The following PRAMEF14 variants were observed in gnomAD, a reference collection of about 807,000 sequenced individuals.
PRAMEF14 encodes PRAME family member 14.
PRAMEF14 carries 24 observed loss-of-function variants against 38.3 expected under a neutral mutation model. The ratio of observed to expected loss-of-function variants is 0.63; its 90% CI spans 0.45 to 0.88. The LOEUF is 0.88. Among genes scored for constraint, PRAMEF14 ranks in the 40% least tolerant of loss-of-function variants. PRAMEF14 has a pLI of 0.00. For missense variants in PRAMEF14, 477 were observed against 570.8 expected (o/e 0.84, Z 1.67); for synonymous variants, 194 against 226.4 (o/e 0.86, Z 1.29).
At position 13,342,871 on chromosome 1, in the gene PRAMEF14, A is replaced by G. The variant is rs772988684; in HGVS notation, c.1082T>C (p.Ile361Thr). Reference sequence around the variant, plus strand: ...GATGGCACTGAGTTGGGAGTAGTGGATCTGACAGCCCTCCAAGATGAGGGT... The same window carrying G: ...GATGGCACTGAGTTGGGAGTAGTGGGTCTGACAGCCCTCCAAGATGAGGGT... ...LETLILEGCQ[I>T]HYSQLSAILP... Residue 361 changes from isoleucine (I) to threonine (T), a missense_variant, in exon 4 of 4, where the codon ATC becomes ACC. Ile to Thr is a moderately conservative substitution (Grantham distance 89). Transcript: ENST00000334600. The G allele has an allele frequency of 6.2e-7, 1 of 1,609,060 alleles. No individual in the cohort carries two copies. Among genetic ancestry groups the G allele is most frequent in the African/African-American group, 1.3e-5 (1 of 74,652 alleles).
chr1:13,346,372 G>A (rs1329913008), intron 1 of PRAMEF14, among the ~76,000 whole-genome samples: 75 of 150,436 alleles, frequency 5.0e-4, no homozygotes, highest in Middle Eastern at 6.8e-3. Flanking sequence ...GCTGGGCATG[G>A]TGGTGAGTGC....
At position 13,342,385 on chromosome 1, in the gene PRAMEF14, G is replaced by C; in HGVS notation, c.*143C>G. 1 of 1,327,992 alleles carries C rather than the reference G, an allele frequency of 7.5e-7. No individual in the cohort carries two copies. Among genetic ancestry groups the C allele is most frequent in the East Asian group, 2.7e-5 (1 of 36,386 alleles). 82.3% of individuals were successfully genotyped at this position (1,327,992 alleles called of 1,614,324 possible). On this transcript the variant is annotated 3_prime_UTR_variant, in exon 4 of 4. Coordinates refer to ENST00000334600, the MANE Select transcript of PRAMEF14 (RefSeq NM_001024661.2). ...ACACAGAGAAACCCTGTCTCAAATT[G>C]TCTTTAATAAAAATTTTGGAATTAT...
Position 13,342,524 on chromosome 1 carries a change from T to A in PRAMEF14, c.*4A>T. On this transcript the variant is annotated 3_prime_UTR_variant, in exon 4 of 4. Coordinates refer to ENST00000334600, the MANE Select transcript of PRAMEF14 (RefSeq NM_001024661.2). ...ATTTCTCTACCCCGCTAGGCACGCC[T>A]TCCCTAGCAGCAAAGATGGAGCTCC... is the stretch of plus-strand genomic sequence containing the variant. 1.2e-6 allele frequency: 2 copies of A among 1,604,952 alleles called. No homozygotes were observed. Among genetic ancestry groups the A allele is most frequent in the South Asian group, 2.2e-5 (2 of 90,544 alleles).
intron 3 of PRAMEF14, 165 bp downstream of exon 3, chr1:13,343,873 A>C: frequency 6.6e-7 from 1 of 1,505,434 alleles, no homozygotes; most frequent in Non-Finnish European, 9.0e-7. Context: ...TGTGATAGCC[A>C]CTCCAGGACA....
chr1:13,344,521 G>A lies in PRAMEF14; in HGVS notation c.383C>T (p.Thr128Ile), dbSNP rs1640376437. Residue 128 changes from threonine to isoleucine, a missense_variant, in exon 3 of 4, where the codon ACC becomes ATC. Physicochemically the swap from Thr to Ile is moderately conservative, Grantham distance 89. Around this residue, in one of 4 missense-constraint regions of PRAMEF14, gnomAD observed 234 missense variants for 247.4 expected, o/e 0.95. Transcript: ENST00000334600. The stretch of plus-strand genomic sequence containing the variant: ...CTCTGCTGTCTGCCTCTTACTCATG[G>A]TCTCTGGGAAGCAGGACAGGGCCCA... The part of the protein sequence containing the change: ...GAWALSCFPE[T>I]MSKRQTAEDC... The A allele has an allele frequency of 6.2e-7, 1 of 1,607,178 alleles. No individual in the cohort carries two copies. The highest frequency in any genetic ancestry group is 8.5e-7 in the Non-Finnish European group (1 of 1,178,884).
At chr1:13,346,671 G>A (rs1336238288) in intron 1 of PRAMEF14, among the ~76,000 whole-genome samples, 1 of 148,452 alleles carries the variant, frequency 6.7e-6, no homozygotes, top group South Asian at 2.2e-4. Context: ...CTTGAGATTG[G>A]TGTGTGGGAT....
chr1:13,342,484 G>C lies in PRAMEF14; in HGVS notation c.*44C>G. 18 of 1,603,134 alleles carry C rather than the reference G, an allele frequency of 1.1e-5. 1 individual carries two copies. Among genetic ancestry groups the C allele is most frequent in the Non-Finnish European group, 1.5e-5 (18 of 1,175,456 alleles). ...AGTAGATTTTAGTGTCCCAGTGCCT[G>C]GAAGAGAACTTTGGATTTCTCTACC... On this transcript the variant is annotated 3_prime_UTR_variant, in exon 4 of 4. Coordinates refer to ENST00000334600, the MANE Select transcript of PRAMEF14 (RefSeq NM_001024661.2).
In PRAMEF14 at chr1:13,342,312, G is replaced by A. The variant is rs1279712250; in HGVS notation, c.*216C>T. 1.7e-5 allele frequency: 15 copies of A among 872,900 alleles called. No homozygotes were observed. The highest frequency in any genetic ancestry group is 1.2e-4 in the Admixed American group (4 of 32,996). 54.1% of individuals were successfully genotyped at this position (872,900 alleles called of 1,614,324 possible). The stretch of plus-strand genomic sequence containing the variant: ...TAATCCCAGCACTTTAGGAAGCTGA[G>A]GCAGGAGGATCCCATAAGCCCAGCT... On this transcript the variant is annotated 3_prime_UTR_variant, in exon 4 of 4. Coordinates refer to ENST00000334600, the MANE Select transcript of PRAMEF14 (RefSeq NM_001024661.2).
In PRAMEF14 at chr1:13,344,538, C is replaced by T; in HGVS notation, c.366G>A (p.Leu122=). The change falls in exon 3 of 4, where the codon CTG becomes CTA. Residue 122 remains leucine (L), a synonymous_variant. Coordinates refer to ENST00000334600, the MANE Select transcript of PRAMEF14 (RefSeq NM_001024661.2). The part of the protein sequence containing the change: ...FWARWPGAWA[L]SCFPETMSKR... ...TACTCATGGTCTCTGGGAAGCAGGA[C>T]AGGGCCCAGGCTCCAGGCCATCTGG... is the stretch of plus-strand genomic sequence containing the variant. 1.9e-6 allele frequency: 3 copies of T among 1,606,652 alleles called. No homozygotes were observed. Among genetic ancestry groups the T allele is most frequent in the East Asian group, 4.7e-5 (2 of 42,412 alleles).
chr1:13,344,477 C>T lies in PRAMEF14; in HGVS notation c.427G>A (p.Glu143Lys). The T allele has an allele frequency of 6.2e-7, 1 of 1,607,304 alleles. No individual in the cohort carries two copies. The highest frequency in any genetic ancestry group is 8.5e-7 in the Non-Finnish European group (1 of 1,178,908). Residue 143 changes from glutamate (E) to lysine (K), a missense_variant, in exon 3 of 4, where the codon GAG becomes AAG. Physicochemically the swap from Glu to Lys is moderately conservative, Grantham distance 56. Coordinates refer to ENST00000334600, the MANE Select transcript of PRAMEF14 (RefSeq NM_001024661.2). ...ATGAACACCTTTAAGGGCTGGTGCT[C>T]TCCCATCCTTGGACAGTCCTCTGCT... Reference protein sequence around the residue: ...QTAEDCPRMGEHQPLKVFIDI... With the variant: ...QTAEDCPRMGKHQPLKVFIDI...
Position 13,342,683 on chromosome 1 carries a change from G to C in PRAMEF14, c.1270C>G (p.Arg424Gly), listed in dbSNP as rs199937476. The change falls in exon 4 of 4, where the codon CGT (arginine) becomes GGT (glycine). Residue 424 changes from arginine (R) to glycine (G), a missense_variant. Transcript: ENST00000334600. ...APEESLNSLV[R>G]VDWEIFALLR... ...AGGGCGAAGATCTCCCAATCGACACGAACCAAGGAATTCAAACTCTCCTCA... is the reference window on the plus strand; with the variant it reads ...AGGGCGAAGATCTCCCAATCGACACCAACCAAGGAATTCAAACTCTCCTCA... 1.1e-5 allele frequency: 17 copies of C among 1,605,078 alleles called. No individual in the cohort carries two copies. The Admixed American group carries it at 2.7e-4, about 25-fold the overall frequency.
Position 13,342,869 on chromosome 1 carries a change from G to C in PRAMEF14, c.1084C>G (p.His362Asp). ...ETLILEGCQIHYSQLSAILPG... is the reference protein window; with the variant it reads ...ETLILEGCQIDYSQLSAILPG... ...AGGATGGCACTGAGTTGGGAGTAGTGGATCTGACAGCCCTCCAAGATGAGG... is the reference window on the plus strand; with the variant it reads ...AGGATGGCACTGAGTTGGGAGTAGTCGATCTGACAGCCCTCCAAGATGAGG... The change falls in exon 4 of 4, where the codon CAC (histidine) becomes GAC (aspartate). Residue 362 changes from histidine (H) to aspartate (D), a missense_variant. His to Asp is a moderately conservative substitution (Grantham distance 81). Transcript: ENST00000334600. 6.2e-7 allele frequency: 1 copy of C among 1,609,200 alleles called. No homozygotes were observed. The highest frequency in any genetic ancestry group is 8.5e-7 in the Non-Finnish European group (1 of 1,179,242).
At chr1:13,343,793 C>G in intron 3 of PRAMEF14, 1 of 1,451,774 alleles carries the variant, frequency 6.9e-7, no homozygotes, top group South Asian at 1.4e-5. Context: ...CCCCCACTAA[C>G]TAGCTTGTAC....
chr1:13,346,358 A>C (rs1640404944), intron 1 of PRAMEF14, among the ~76,000 whole-genome samples: 1 of 150,032 alleles, frequency 6.7e-6, no homozygotes, highest in Non-Finnish European at 1.5e-5. Context: ...AAATACAAAA[A>C]TTAGCTGGGC....
In PRAMEF14 at chr1:13,344,393, C is replaced by A. The variant is rs1640374139; in HGVS notation, c.511G>T (p.Val171Phe). 9.3e-6 allele frequency: 15 copies of A among 1,604,352 alleles called. 1 individual carries two copies. In the South Asian group the frequency reaches 1.3e-4, roughly 14 times the overall value. The change falls in exon 3 of 4, where the codon GTT becomes TTT. Residue 171 changes from valine (V) to phenylalanine (F), a missense_variant. Physicochemically the swap from Val to Phe is conservative, Grantham distance 50. Around this residue, in one of 4 missense-constraint regions of PRAMEF14, gnomAD observed 234 missense variants for 247.4 expected, o/e 0.95. Coordinates refer to ENST00000334600, the MANE Select transcript of PRAMEF14 (RefSeq NM_001024661.2). The stretch of plus-strand genomic sequence containing the variant: ...TGTACTAAACCTCTCCTTTGGTAAA[C>A]CCACTGAAAGAGGTATCTCAGGCAT... ...DECLRYLFQW[V>F]YQRRGLVHLC...
At chr1:13,343,984 A>G in intron 3 of PRAMEF14, 54 bp downstream of exon 3, 1 of 1,575,014 alleles carries the variant, frequency 6.3e-7, no homozygotes, top group Non-Finnish European at 8.7e-7. Context: ...TGTTTGCTGT[A>G]ACAGAACAAG....
At position 13,345,026 on chromosome 1, in the gene PRAMEF14, A is replaced by AC. The variant is rs1640382747; in HGVS notation, c.287+1dup. ...TCTACCAGCCCTCCTGGGTCACCTCACCTGGGGCGATCCTTCTGTGTAAGC... is the reference window on the plus strand; with the variant it reads ...TCTACCAGCCCTCCTGGGTCACCTCACCCTGGGGCGATCCTTCTGTGTAAGC... On this transcript the variant is annotated splice_donor_variant, in intron 2 of 3. Transcript: ENST00000334600. LOFTEE classifies it high-confidence loss of function. The AC allele has an allele frequency of 2.0e-6, 3 of 1,528,282 alleles. No individual in the cohort carries two copies. The highest frequency in any genetic ancestry group is 1.8e-5 in the Admixed American group (1 of 56,570). The allele number at this position is 1,528,282 out of a possible 1,614,324, so 94.7% of individuals were successfully genotyped here.
At position 13,342,143 on chromosome 1, in the gene PRAMEF14, C is replaced by G. The variant is rs1468934756; in HGVS notation, c.*385G>C. On this transcript the variant is annotated 3_prime_UTR_variant, in exon 4 of 4. Coordinates refer to ENST00000334600, the MANE Select transcript of PRAMEF14 (RefSeq NM_001024661.2). The stretch of plus-strand genomic sequence containing the variant: ...CTTCTCTTTCCGACTCTGTAGGACA[C>G]GGGTCCCTGAAGTTCTCATTGATGT... 1 of 253,334 alleles carries G rather than the reference C, an allele frequency of 3.9e-6. No individual in the cohort carries two copies. Among genetic ancestry groups the G allele is most frequent in the Non-Finnish European group, 7.6e-6 (1 of 131,560 alleles). 15.7% of individuals were successfully genotyped at this position (253,334 alleles called of 1,614,324 possible).
chr1:13,342,435 G>T lies in PRAMEF14; in HGVS notation c.*93C>A. 2 of 1,509,942 alleles carry T rather than the reference G, an allele frequency of 1.3e-6. No homozygotes were observed. The highest frequency in any genetic ancestry group is 2.5e-5 in the East Asian group (1 of 40,690). The allele number at this position is 1,509,942 out of a possible 1,614,324, so 93.5% of individuals were successfully genotyped here. Reference sequence around the variant, plus strand: ...TTAAAAAATGAAATAAATAAGAAAAGAGAAAAATAGTTTGCACCTACATAG... The same window carrying T: ...TTAAAAAATGAAATAAATAAGAAAATAGAAAAATAGTTTGCACCTACATAG... On this transcript the variant is annotated 3_prime_UTR_variant, in exon 4 of 4. Coordinates refer to ENST00000334600, the MANE Select transcript of PRAMEF14 (RefSeq NM_001024661.2).
Sources: gnomAD v4.1 joint callset for allele counts (sites outside exome capture counted in the v4.1 genomes callset) on GRCh38, gnomAD v4.1.1 for gene constraint, gnomAD v4.1.1 regional missense constraint, MANE v1.5 for transcripts, NCBI Gene and HGNC (gene_info 2026-07-23, HGNC 2026-07-21) for gene names.